Variants in TMEM18 observed in about 807,000 individuals in gnomAD.
TMEM18 encodes the protein transmembrane protein 18.
In TMEM18, 14 loss-of-function variants were observed where a neutral mutation model predicts 17.4. The ratio of observed to expected loss-of-function variants is 0.80; its 90% CI spans 0.53 to 1.25. The LOEUF (loss-of-function observed/expected upper bound fraction) is 1.25, where lower values mean the gene tolerates loss of function less well. TMEM18 is among the 50% of genes most tolerant of loss of function. TMEM18 has a pLI of 0.00. For missense variants in TMEM18, 187 were observed against 172.1 expected, an observed-to-expected ratio of 1.09 and a Z score of -0.48; for synonymous variants, 86 against 66.1, an observed-to-expected ratio of 1.30 and a Z score of -1.46.
Position 665,290 on chromosome 2 carries a change from T to TA in TMEM18, c.*4289dup, listed in dbSNP as rs545867408. ...GATGCAGACACCCCACTCACTCAGATAGAGAATCAACCCCACATAAAATAG... is the reference window on the plus strand; with the variant it reads ...GATGCAGACACCCCACTCACTCAGATAAGAGAATCAACCCCACATAAAATAG... On this transcript the variant is annotated 3_prime_UTR_variant, in exon 5 of 5. Coordinates refer to ENST00000281017, the MANE Select transcript of TMEM18 (RefSeq NM_152834.4). 0.015 allele frequency among the ~76,000 whole-genome samples: 2,178 copies of TA among 147,518 alleles called. 50 individuals carry two copies. Among genetic ancestry groups the TA allele is most frequent in the African/African-American group, 0.052 (2,054 of 39,764 alleles).
chr2:677,059 C>T, intron 1 of TMEM18: 1 of 426,460 alleles, frequency 2.3e-6, no homozygotes, highest in Non-Finnish European at 4.0e-6. Context: ...CGACGCCCGG[C>T]CCCGGCCCCC....
intron 1 of TMEM18, chr2:675,896 G>A: frequency 6.8e-7 from 1 of 1,467,110 alleles, no homozygotes; most frequent in Non-Finnish European, 9.1e-7. Flanking sequence ...ACACAGAACT[G>A]AAGGCATCTC....
At position 669,802 on chromosome 2, in the gene TMEM18, A is replaced by G. The variant is rs1488920676; in HGVS notation, c.282T>C (p.Ser94=). 6.2e-7 allele frequency: 1 copy of G among 1,614,044 alleles called. No homozygotes were observed. Among genetic ancestry groups the G allele is most frequent in the Non-Finnish European group, 8.5e-7 (1 of 1,180,030 alleles). The change falls in exon 4 of 5, where the codon TCT becomes TCC. Residue 94 remains serine (S), a synonymous_variant. Transcript: ENST00000281017. ...CCAGCAGTGGGGCTGAAAATACTAT[A>G]GAAATGAACATCCCCCTGGAGTCGA... ...QYFDSRGMFI[S]IVFSAPLLVN...
rs770138531 is a variant in TMEM18 at position 677,362 on chromosome 2, C to G, written c.-17G>C. 42 of 1,609,974 alleles carry G rather than the reference C, an allele frequency of 2.6e-5. No homozygotes were observed. The highest frequency in any genetic ancestry group is 3.2e-5 in the Non-Finnish European group (38 of 1,178,970). ...GGACGGCATGGTGTTGGGAAGCCCG[C>G]TCTCACAGCAACCGCCGAACCCGGC... On this transcript the variant is annotated 5_prime_UTR_variant, in exon 1 of 5. Transcript: ENST00000281017.
rs1249897463 is a variant in TMEM18 at position 663,921 on chromosome 2, G to A, written c.*5659C>T. ...AACATGAGTAACTTTATTTATAAAG[G>A]TGTCACAGTTCTTGGCAAGTAAATC... On this transcript the variant is annotated 3_prime_UTR_variant, in exon 5 of 5. Transcript: ENST00000281017. Among the ~76,000 whole-genome samples, 1 of 152,216 alleles carries A rather than the reference G, an allele frequency of 6.6e-6. No individual in the cohort carries two copies. Among genetic ancestry groups the A allele is most frequent in the Non-Finnish European group, 1.5e-5 (1 of 68,042 alleles).
At position 665,790 on chromosome 2, in the gene TMEM18, G is replaced by A. The variant is rs1371594333; in HGVS notation, c.*3790C>T. Among the ~76,000 whole-genome samples, 1 of 151,596 alleles carries A rather than the reference G, an allele frequency of 6.6e-6. No individual in the cohort carries two copies. Among genetic ancestry groups the A allele is most frequent in the Non-Finnish European group, 1.5e-5 (1 of 67,932 alleles). ...ACACACAACAGGACCCAGAGATGCA[G>A]ATGCCCCACTCACTCAGATGCAGCA... On this transcript the variant is annotated 3_prime_UTR_variant, in exon 5 of 5. Coordinates refer to ENST00000281017, the MANE Select transcript of TMEM18 (RefSeq NM_152834.4).
At chr2:675,842 C>T in intron 1 of TMEM18, 1 of 1,519,120 alleles carries the variant, frequency 6.6e-7, no homozygotes, top group Non-Finnish European at 8.8e-7. Flanking sequence ...AAACAGGATT[C>T]TCCCCTCAGT....
intron 2 of TMEM18, among the ~76,000 whole-genome samples, 169 bp from the exon 3 acceptor site, chr2:673,031 AG>A (rs555054341): frequency 6.6e-5 from 10 of 152,244 alleles, no homozygotes; most frequent in Non-Finnish European, 1.0e-4. Flanking sequence ...CCCATTTAGC[AG>A]AAAGAAAATC....
intron 1 of TMEM18, chr2:676,471 G>A (rs1370452014): frequency 2.4e-6 from 3 of 1,275,506 alleles, no homozygotes; most frequent in Non-Finnish European, 2.1e-6. Flanking sequence ...CAGCCCTCCA[G>A]AACTCCTGTG....
intron 2 of TMEM18, among the ~76,000 whole-genome samples, chr2:673,366 C>G (rs1023423474): frequency 6.6e-6 from 1 of 151,982 alleles, no homozygotes. Flanking sequence ...GGCAAAGGCA[C>G]GGGAGGGAGG....
At chr2:677,184 C>T in intron 1 of TMEM18, 105 bp downstream of exon 1, 3 of 1,439,312 alleles carry the variant, frequency 2.1e-6, no homozygotes, top group East Asian at 2.5e-5. Context: ...AGGCCCCGCC[C>T]ACGGCCGGGG....
At position 669,919 on chromosome 2, in the gene TMEM18, T is replaced by G. The variant is rs1411964274; in HGVS notation, c.234-69A>C. ...AAAAAGTTCTAGTGACACCGTCTAT[T>G]TAGATAAGACTTTGGAGAGAGCTGA... On this transcript the variant is annotated intron_variant, in intron 3 of 4. Transcript: ENST00000281017. 57 of 1,262,062 alleles carry G rather than the reference T, an allele frequency of 4.5e-5. No individual in the cohort carries two copies. In the Admixed American group the frequency reaches 1.2e-3, roughly 26 times the overall value. 78.2% of individuals were successfully genotyped at this position (1,262,062 alleles called of 1,614,324 possible).
rs1678973351 is a variant in TMEM18 at position 675,511 on chromosome 2, T to C, written c.177A>G (p.Leu59=). Residue 59 remains leucine, a splice_region_variant and synonymous_variant, in exon 2 of 5, where the codon CTA becomes CTG. Transcript: ENST00000281017. ...YRLQIGHFLC[L]VILVYCAEYI... ...TGGAGTTTGTGTTGTTTTACTCACC[T>C]AGACACAGAAAGTGCCCGATCTGTA... The C allele has an allele frequency of 1.3e-5, 21 of 1,614,220 alleles. No homozygotes were observed. Among genetic ancestry groups the C allele is most frequent in the Non-Finnish European group, 1.8e-5 (21 of 1,180,032 alleles).
In TMEM18 at chr2:669,763, G is replaced by A. The variant is rs1678789455; in HGVS notation, c.321C>T (p.Ile107=). 3.7e-6 allele frequency: 6 copies of A among 1,613,934 alleles called. No individual in the cohort carries two copies. The highest frequency in any genetic ancestry group is 3.3e-5 in the Admixed American group (2 of 60,000). Residue 107 remains isoleucine (I), a synonymous_variant, in exon 4 of 5, where the codon ATC becomes ATT. Transcript: ENST00000281017. ...GAAAGTGTCATCTACGTACCACAATGATCATGGCATTCACCAGCAGTGGGG... is the reference window on the plus strand; with the variant it reads ...GAAAGTGTCATCTACGTACCACAATAATCATGGCATTCACCAGCAGTGGGG... ...FSAPLLVNAM[I]IVVMWVWKTL...
rs1409418928 is a variant in TMEM18, at chr2:664,819, G to C, written c.*4761C>G. Among the ~76,000 whole-genome samples, 3 of 152,168 alleles carry C rather than the reference G, an allele frequency of 2.0e-5. No individual in the cohort carries two copies. The highest frequency in any genetic ancestry group is 6.5e-5 in the Admixed American group (1 of 15,280). On this transcript the variant is annotated 3_prime_UTR_variant, in exon 5 of 5. Transcript: ENST00000281017. ...GGTTGGAGATTTCTGTGTTGCTGTT[G>C]TCAGTAAAACAATTAGAAAAACTCT...
At chr2:675,674 G>A (rs749365626) in intron 1 of TMEM18, 44 bp from the exon 2 acceptor site, 3 of 1,608,150 alleles carry the variant, frequency 1.9e-6, no homozygotes, top group African/African-American at 2.7e-5. Context: ...TGCCACTCAA[G>A]GCCGGGTTCA....
intron 1 of TMEM18, chr2:675,915 T>C: frequency 1.4e-6 from 2 of 1,434,980 alleles, no homozygotes; most frequent in Non-Finnish European, 1.8e-6. Context: ...TCTGATGTGC[T>C]CCTTTCGTTT....
intron 3 of TMEM18, among the ~76,000 whole-genome samples, chr2:671,381 C>G (rs12611628): frequency 0.54 from 74,737 of 138,860 alleles, 19,526 homozygotes; most frequent in South Asian, 0.58. Context: ...ATGTGAAGGC[C>G]CTGCATCCGG....
intron 3 of TMEM18, among the ~76,000 whole-genome samples, chr2:671,461 C>CCCAGTGAGCCGCT (rs1678851042): frequency 3.4e-4 from 3 of 8,864 alleles, no homozygotes; most frequent in African/African-American, 2.2e-3. Context: ...AGGCAGGGTC[C>CCCAGTGAGCCGCT]TCCTGGGACT....
Sources: gnomAD v4.1 joint callset for allele counts (sites outside exome capture counted in the v4.1 genomes callset) on GRCh38, gnomAD v4.1.1 for gene constraint, MANE v1.5 for transcripts, NCBI Gene and HGNC (gene_info 2026-07-23, HGNC 2026-07-21) for gene names.